Variants in EXOC7 observed in about 807,000 individuals in gnomAD.
The protein encoded by EXOC7 is exocyst complex component 7, also known as exocyst complex component Exo70.
In EXOC7, 51 loss-of-function variants were observed where a neutral mutation model predicts 87.6. The observed-to-expected ratio is 0.58, with a 90% CI of 0.46 to 0.73. The LOEUF is 0.73. EXOC7 is among the 30% of genes least tolerant of loss of function. EXOC7 has a pLI of 0.00. For synonymous variants in EXOC7, 327 were observed against 357.1 expected, an observed-to-expected ratio of 0.92 and a Z score of 0.95; for missense variants, 744 against 888.4, an observed-to-expected ratio of 0.84 and a Z score of 2.07.
rs2066962782 is a variant in EXOC7, at chr17:76,081,341, T to C, written c.*2307A>G. ...ATTGTGAGTGTCAAGAGGGAATACGTAGTTTATGATCTGAAGACCCAAGTC... is the reference window on the plus strand; with the variant it reads ...ATTGTGAGTGTCAAGAGGGAATACGCAGTTTATGATCTGAAGACCCAAGTC... On this transcript the variant is annotated 3_prime_UTR_variant, in exon 19 of 19. Coordinates refer to ENST00000589210, the MANE Select transcript of EXOC7 (RefSeq NM_001013839.4). The C allele has an allele frequency of 6.2e-7, 1 of 1,613,962 alleles. No individual in the cohort carries two copies. The highest frequency in any genetic ancestry group is 1.1e-5 in the South Asian group (1 of 91,088).
rs1225267142 is a variant in EXOC7 at position 76,088,121 on chromosome 17, T to C, written c.1301A>G (p.Asn434Ser). 3.1e-6 allele frequency: 5 copies of C among 1,613,806 alleles called. No individual in the cohort carries two copies. In the South Asian group the frequency reaches 3.3e-5, roughly 11 times the overall value. Residue 434 changes from asparagine to serine, a missense_variant and splice_region_variant, in exon 11 of 19, where the codon AAT becomes AGT. Asn to Ser is a conservative substitution (Grantham distance 46, BLOSUM62 1). This residue lies in a region of EXOC7 where 512 missense variants were observed against 573.0 expected (regional missense o/e 0.89). Transcript: ENST00000589210. ...ALEDFADNIKNDPDKEYNMPK... is the reference protein window; with the variant it reads ...ALEDFADNIKSDPDKEYNMPK... ...CATGTTGTACTCCTTGTCCGGGTCATTCTGTGGAAAAACAGCCTCTGGTTC... is the reference window on the plus strand; with the variant it reads ...CATGTTGTACTCCTTGTCCGGGTCACTCTGTGGAAAAACAGCCTCTGGTTC...
Position 76,097,872 on chromosome 17 carries a change from C to T in EXOC7, c.564G>A (p.Leu188=). Residue 188 remains leucine (L), a synonymous_variant, in exon 5 of 19, where the codon CTG becomes CTA. Coordinates refer to ENST00000589210, the MANE Select transcript of EXOC7 (RefSeq NM_001013839.4). ...GGAGCACGCTCTCGGGCAGGTGCTC[C>T]AGGGTCACGTCCTCCTGGGCCTCCA... is the stretch of plus-strand genomic sequence containing the variant. ...DDLEAQEDVT[L]EHLPESVLQD... is the part of the protein sequence containing the mutation. The T allele has an allele frequency of 6.2e-7, 1 of 1,614,090 alleles. No individual in the cohort carries two copies. The highest frequency in any genetic ancestry group is 8.5e-7 in the Non-Finnish European group (1 of 1,180,032).
rs2068052375 is a variant in EXOC7, at chr17:76,101,356, T to C, written c.332A>G (p.Glu111Gly). 1 of 1,613,990 alleles carries C rather than the reference T, an allele frequency of 6.2e-7. No individual in the cohort carries two copies. The highest frequency in any genetic ancestry group is 1.3e-5 in the African/African-American group (1 of 74,894). The change falls in exon 4 of 19, where the codon GAG (glutamate) becomes GGG (glycine). Residue 111 changes from glutamate (E) to glycine (G), a missense_variant. Glu to Gly is a moderately conservative substitution (Grantham distance 98, BLOSUM62 -2). This residue lies in a region of EXOC7 where 512 missense variants were observed against 573.0 expected (regional missense o/e 0.89). Coordinates refer to ENST00000589210, the MANE Select transcript of EXOC7 (RefSeq NM_001013839.4). ...IREGPTGRLE[E>G]YLGSMAKIQK... ...AATCTTGGCCATGCTTCCCAGGTACTCTTCCAGCCTACCTGTGGGGCTGGG... is the reference window on the plus strand; with the variant it reads ...AATCTTGGCCATGCTTCCCAGGTACCCTTCCAGCCTACCTGTGGGGCTGGG...
At chr17:76,090,305 C>T in intron 7 of EXOC7, 1 of 1,548,436 alleles carries the variant, frequency 6.5e-7, no homozygotes, top group Non-Finnish European at 8.7e-7. Context: ...AGCGGCTGCC[C>T]TCGGGCTGGG....
intron 6 of EXOC7, chr17:76,091,459 G>A: frequency 1.8e-6 from 1 of 543,680 alleles, no homozygotes. Context: ...TCCTTGTTCT[G>A]GATTTCAGCT....
Position 76,087,729 on chromosome 17 carries a change from G to GA in EXOC7, c.1363-10dup, listed in dbSNP as rs1567964179. The stretch of plus-strand genomic sequence containing the variant: ...TGCAGGAAGAGGATGGCCTGGGTGG[G>GA]AAGAAAACGGTGCAGAAGGGCAAGT... On this transcript the variant is annotated splice_polypyrimidine_tract_variant and intron_variant, in intron 11 of 18. Transcript: ENST00000589210. The GA allele has an allele frequency of 1.3e-6, 2 of 1,550,856 alleles. No individual in the cohort carries two copies. Among genetic ancestry groups the GA allele is most frequent in the East Asian group, 4.9e-5 (2 of 40,920 alleles).
chr17:76,081,272 C>A lies in EXOC7; in HGVS notation c.*2376G>T, dbSNP rs1282459845. ...CTGGTTCATAGTTCTCATTCCCACC[C>A]CTCAGCGATGGAGTTAGAGTTCCAG... is the stretch of plus-strand genomic sequence containing the variant. On this transcript the variant is annotated 3_prime_UTR_variant, in exon 19 of 19. Coordinates refer to ENST00000589210, the MANE Select transcript of EXOC7 (RefSeq NM_001013839.4). The A allele has an allele frequency of 1.7e-5, 28 of 1,613,370 alleles. No homozygotes were observed. The highest frequency in any genetic ancestry group is 2.4e-5 in the Non-Finnish European group (28 of 1,179,932).
chr17:76,101,068 A>T (rs2068034832), intron 4 of EXOC7: 1 of 930,028 alleles, frequency 1.1e-6, no homozygotes, highest in Non-Finnish European at 1.4e-6. Flanking sequence ...ATAATACATT[A>T]ACAAGTTTTA....
rs772142294 is a variant in EXOC7, at chr17:76,097,951, C to G, written c.485G>C (p.Ser162Thr). The G allele has an allele frequency of 1.2e-6, 2 of 1,614,116 alleles. No individual in the cohort carries two copies. Among genetic ancestry groups the G allele is most frequent in the Non-Finnish European group, 1.7e-6 (2 of 1,180,020 alleles). ...SEFRSLMTRHSKVVSPVLILD... is the reference protein window; with the variant it reads ...SEFRSLMTRHTKVVSPVLILD... ...GATGAGCACGGGCGAGACGACCTTA[C>G]TGTGCCGCGTCATCAGGCTGCGAAA... Residue 162 changes from serine (S) to threonine (T), a missense_variant, in exon 5 of 19, where the codon AGT becomes ACT. Physicochemically the swap from Ser to Thr is moderately conservative, Grantham distance 58. Coordinates refer to ENST00000589210, the MANE Select transcript of EXOC7 (RefSeq NM_001013839.4).
At chr17:76,086,930 G>A in intron 12 of EXOC7, 1 of 1,537,868 alleles carries the variant, frequency 6.5e-7, no homozygotes, top group Non-Finnish European at 8.8e-7. Flanking sequence ...AGGGGACAGA[G>A]GGAGAGACAA....
chr17:76,100,132 T>C (rs1325649940), intron 4 of EXOC7, among the ~76,000 whole-genome samples: 3 of 151,622 alleles, frequency 2.0e-5, no homozygotes, highest in African/African-American at 7.3e-5. Context: ...AAAAATCACA[T>C]AGATTCAAGT....
intron 7 of EXOC7, chr17:76,090,441 G>A (rs772850614): frequency 4.0e-5 from 62 of 1,551,564 alleles, no homozygotes; most frequent in Middle Eastern, 1.7e-4. Flanking sequence ...CGTTTATCCA[G>A]GGGCCAGGCA....
intron 11 of EXOC7, 65 bp downstream of exon 11, chr17:76,087,994 TG>T: frequency 6.4e-7 from 1 of 1,566,788 alleles, no homozygotes; most frequent in Non-Finnish European, 8.8e-7. Context: ...GTACTCTGCC[TG>T]GCCCTGGGCC....
At chr17:76,101,071 A>G (rs1424397473) in intron 4 of EXOC7, 200 bp downstream of exon 4, 8 of 981,630 alleles carry the variant, frequency 8.1e-6, no homozygotes, top group Non-Finnish European at 1.1e-5. Context: ...ATACATTAAC[A>G]AGTTTTATAA....
At position 76,081,489 on chromosome 17, in the gene EXOC7, C is replaced by A; in HGVS notation, c.*2159G>T. On this transcript the variant is annotated 3_prime_UTR_variant, in exon 19 of 19. Coordinates refer to ENST00000589210, the MANE Select transcript of EXOC7 (RefSeq NM_001013839.4). Reference sequence around the variant, plus strand: ...ACGGCCAGAGGCCAGGCCCCATGCCCCCGATGCCCACCTCCTTCCCCCCCG... The same window carrying A: ...ACGGCCAGAGGCCAGGCCCCATGCCACCGATGCCCACCTCCTTCCCCCCCG... 6.2e-7 allele frequency: 1 copy of A among 1,610,224 alleles called. No homozygotes were observed. Among genetic ancestry groups the A allele is most frequent in the Non-Finnish European group, 8.5e-7 (1 of 1,178,512 alleles).
Position 76,085,663 on chromosome 17 carries a change from C to T in EXOC7, c.1616+14G>A, listed in dbSNP as rs906050551. ...AAGGTGAGAGCCGCAGACTCACTCC[C>T]GCAGGCCACTTACTTCTCCAGGGAC... On this transcript the variant is annotated intron_variant, in intron 14 of 18. Transcript: ENST00000589210. 1.9e-5 allele frequency: 31 copies of T among 1,613,908 alleles called. No homozygotes were observed. Among genetic ancestry groups the T allele is most frequent in the Middle Eastern group, 1.6e-4 (1 of 6,082 alleles).
chr17:76,100,646 A>C (rs944587509), intron 4 of EXOC7, among the ~76,000 whole-genome samples: 1 of 151,778 alleles, frequency 6.6e-6, no homozygotes, highest in Non-Finnish European at 1.5e-5. Flanking sequence ...AAAAAAAAAA[A>C]ATTTATATTA....
intron 2 of EXOC7, among the ~76,000 whole-genome samples, chr17:76,102,554 TAC>T (rs2068122242): frequency 1.3e-5 from 2 of 151,924 alleles, no homozygotes; most frequent in Non-Finnish European, 2.9e-5. Context: ...TGCAGTGAGC[TAC>T]AGTCATGCCA....
intron 5 of EXOC7, 38 bp from the exon 6 acceptor site, chr17:76,094,619 G>A (rs2250081): frequency 0.46 from 734,443 of 1,582,438 alleles, 173,893 homozygotes; most frequent in South Asian, 0.65. Context: ...CGGCTGCCAG[G>A]CCCTGTCTCT....
Sources: allele counts gnomAD v4.1 joint callset (sites outside exome capture counted in the v4.1 genomes callset), GRCh38; gene constraint gnomAD v4.1.1; regional missense constraint gnomAD v4.1.1; transcripts MANE v1.5; gene names NCBI Gene and HGNC (gene_info 2026-07-23, HGNC 2026-07-21).